ATL1: variants seen among roughly 807,000 people sequenced by gnomAD.
ATL1 encodes atlastin-1.
A neutral mutation model predicts 75.5 loss-of-function variants in ATL1; 31 were observed. The observed-to-expected ratio is 0.41, with a 90% CI of 0.31 to 0.55. The LOEUF (loss-of-function observed/expected upper bound fraction) is 0.55, where lower values mean the gene tolerates loss of function less well. Among genes scored for constraint, ATL1 ranks in the 20% least tolerant of loss-of-function variants. ATL1 has a pLI of 0.27. For missense variants in ATL1, 405 were observed against 662.6 expected (o/e 0.61, Z 4.27); for synonymous variants, 226 against 233.3 (o/e 0.97, Z 0.28).
At chr14:50,562,309 G>T (rs1376078093) in intron 1 of ATL1, among the ~76,000 whole-genome samples, 2 of 152,188 alleles carry the variant, frequency 1.3e-5, no homozygotes, top group Non-Finnish European at 2.9e-5. Context: ...CTCCCAAAGT[G>T]CTGGGATTAC....
chr14:50,564,604 C>T (rs547262560), intron 1 of ATL1, among the ~76,000 whole-genome samples: 4 of 137,722 alleles, frequency 2.9e-5, no homozygotes, highest in Admixed American at 1.5e-4. Context: ...AGCCAAGATC[C>T]GCCGCTGCAC....
At chr14:50,548,663 C>T (rs2038664319) in intron 1 of ATL1, among the ~76,000 whole-genome samples, 1 of 152,134 alleles carries the variant, frequency 6.6e-6, no homozygotes. Context: ...GCACACACCG[C>T]CACGCCCAGC....
chr14:50,605,784 T>C (rs2039312649), intron 6 of ATL1, among the ~76,000 whole-genome samples: 1 of 152,086 alleles, frequency 6.6e-6, no homozygotes, highest in Non-Finnish European at 1.5e-5. Flanking sequence ...GGTCTAACAA[T>C]TAAGTGAACT....
chr14:50,607,432 G>T (rs1478920210), intron 6 of ATL1, among the ~76,000 whole-genome samples: 1 of 152,054 alleles, frequency 6.6e-6, no homozygotes, highest in Non-Finnish European at 1.5e-5. Flanking sequence ...GTTGACATCA[G>T]TCTGAGAATA....
chr14:50,582,395 A>T (rs2039064350), intron 1 of ATL1, among the ~76,000 whole-genome samples: 1 of 151,436 alleles, frequency 6.6e-6, no homozygotes, highest in African/African-American at 2.4e-5. Context: ...CCAATCTTTT[A>T]TTACAAACTT....
At chr14:50,620,489 T>A in intron 8 of ATL1, 110 bp from the exon 9 acceptor site, 1 of 1,170,998 alleles carries the variant, frequency 8.5e-7, no homozygotes, top group Non-Finnish European at 1.2e-6. Context: ...AAGTGAGTGA[T>A]GGCATTATCA....
chr14:50,596,103 A>G (rs1419703807), intron 6 of ATL1, among the ~76,000 whole-genome samples: 1 of 152,220 alleles, frequency 6.6e-6, no homozygotes, highest in Non-Finnish European at 1.5e-5. Context: ...TATTTTTGTG[A>G]GACTTCAAGT....
intron 11 of ATL1, among the ~76,000 whole-genome samples, chr14:50,625,267 G>A (rs545345337): frequency 6.6e-6 from 1 of 152,300 alleles, no homozygotes; most frequent in South Asian, 2.1e-4. Context: ...GAAAGAGTTG[G>A]TAAAGATGCA....
At chr14:50,593,920 T>A (rs1444846673) in intron 5 of ATL1, 24 bp downstream of exon 5, 1 of 1,565,160 alleles carries the variant, frequency 6.4e-7, no homozygotes, top group South Asian at 1.1e-5. Flanking sequence ...TTTTCTTTTT[T>A]GTGTATCTGG....
intron 1 of ATL1, among the ~76,000 whole-genome samples, chr14:50,549,841 C>T (rs1434135851): frequency 6.6e-6 from 1 of 152,170 alleles, no homozygotes; most frequent in African/African-American, 2.4e-5. Flanking sequence ...TAAGAATCTC[C>T]CTGAAACCAT....
At chr14:50,570,402 G>A (rs1160613672) in intron 1 of ATL1, among the ~76,000 whole-genome samples, 1 of 151,400 alleles carries the variant, frequency 6.6e-6, no homozygotes, top group Admixed American at 6.6e-5. Flanking sequence ...TAAAGATAGG[G>A]TCTCACTCTG....
chr14:50,624,124 T>C (rs1315950983), intron 11 of ATL1, among the ~76,000 whole-genome samples: 1 of 151,928 alleles, frequency 6.6e-6, no homozygotes, highest in Non-Finnish European at 1.5e-5. Flanking sequence ...AAATGTAGTA[T>C]ATGGAGTGGC....
intron 1 of ATL1, among the ~76,000 whole-genome samples, chr14:50,553,492 C>T (rs2038728277): frequency 6.6e-6 from 1 of 151,952 alleles, no homozygotes; most frequent in Admixed American, 6.6e-5. Flanking sequence ...AGCTCTTTTA[C>T]GCTGCTGGTG....
chr14:50,575,030 C>T (rs1442084514), intron 1 of ATL1, among the ~76,000 whole-genome samples: 1 of 144,914 alleles, frequency 6.9e-6, no homozygotes, highest in African/African-American at 2.5e-5. Flanking sequence ...TCCTCTCTCT[C>T]TGGTCCTTGA....
chr14:50,571,047 T>C (rs2983421), intron 1 of ATL1, among the ~76,000 whole-genome samples: 138,622 of 152,064 alleles, frequency 0.91, 63,517 homozygotes, highest in East Asian at 1. Flanking sequence ...CAAAAGTGGG[T>C]GGGAAAGAAA....
chr14:50,631,650 G>A (rs1469134687), intron 13 of ATL1, among the ~76,000 whole-genome samples: 1 of 152,106 alleles, frequency 6.6e-6, no homozygotes, highest in African/African-American at 2.4e-5. Context: ...AAAGCTTGCT[G>A]AGGTAATGTT....
At chr14:50,597,718 G>A (rs1272335548) in intron 6 of ATL1, among the ~76,000 whole-genome samples, 4 of 151,576 alleles carry the variant, frequency 2.6e-5, no homozygotes, top group Non-Finnish European at 5.9e-5. Context: ...TTTTTGAGAC[G>A]GAGTCTCACT....
intron 1 of ATL1, among the ~76,000 whole-genome samples, chr14:50,551,792 G>A (rs2038706030): frequency 6.6e-6 from 1 of 152,086 alleles, no homozygotes; most frequent in African/African-American, 2.4e-5. Context: ...CACAGGAAAA[G>A]CATTTGATAA....
intron 5 of ATL1, among the ~76,000 whole-genome samples, chr14:50,594,717 G>A (rs568637745): frequency 1.1e-4 from 17 of 152,160 alleles, no homozygotes; most frequent in African/African-American, 3.6e-4. Flanking sequence ...CTCCAGGGCC[G>A]GGTGCAGTGG....
Sources: allele counts gnomAD v4.1 joint callset (sites outside exome capture counted in the v4.1 genomes callset), GRCh38; gene constraint gnomAD v4.1.1; transcripts MANE v1.5; gene names NCBI Gene and HGNC (gene_info 2026-07-23, HGNC 2026-07-21).